RHEX: variants seen among roughly 807,000 people sequenced by gnomAD.
RHEX encodes regulator of hemoglobinization and erythroid cell expansion, also known as regulator of hemoglobinization and erythroid cell expansion protein.
A neutral mutation model predicts 20.1 loss-of-function variants in RHEX; 18 were observed. The ratio of observed to expected loss-of-function variants is 0.90; its 90% CI spans 0.62 to 1.33. The LOEUF (loss-of-function observed/expected upper bound fraction) is 1.33, where lower values mean the gene tolerates loss of function less well. Ranked by LOEUF, RHEX falls within the 40% of genes most tolerant of loss-of-function variation. The pLI, the probability that RHEX is intolerant of heterozygous loss-of-function variation, is 0.00. For missense variants in RHEX, 192 were observed against 214.3 expected (o/e 0.90, Z 0.65); for synonymous variants, 87 against 77.1 (o/e 1.13, Z -0.67).
chr1:206,064,140 G>C (rs1471250032), intron 1 of RHEX, among the ~76,000 whole-genome samples: 3 of 148,614 alleles, frequency 2.0e-5, no homozygotes, highest in Non-Finnish European at 4.5e-5. Flanking sequence ...GAGAAGTGAG[G>C]AGACCCTCCG....
chr1:206,057,284 G>T, intron 1 of RHEX, among the ~76,000 whole-genome samples: 1 of 152,370 alleles, frequency 6.6e-6, no homozygotes, highest in South Asian at 2.1e-4. Flanking sequence ...GGAAGCCCGA[G>T]AATTGGTTCC....
At chr1:206,073,291 T>C (rs938635644) in intron 1 of RHEX, among the ~76,000 whole-genome samples, 1 of 152,138 alleles carries the variant, frequency 6.6e-6, no homozygotes, top group African/African-American at 2.4e-5. Flanking sequence ...CACTAAAATC[T>C]ACATTGCCAG....
At chr1:206,078,762 G>A (rs1451225963) in intron 1 of RHEX, among the ~76,000 whole-genome samples, 2 of 152,076 alleles carry the variant, frequency 1.3e-5, no homozygotes, top group African/African-American at 4.8e-5. Context: ...CTGAAAGGAA[G>A]GGGAAGGGTG....
chr1:206,095,317 G>A (rs768112265), intron 1 of RHEX, among the ~76,000 whole-genome samples: 1 of 152,072 alleles, frequency 6.6e-6, no homozygotes, highest in Non-Finnish European at 1.5e-5. Flanking sequence ...CCTGTGGATC[G>A]CCTGGTTGGA....
chr1:206,059,208 A>G (rs28570494), intron 1 of RHEX, among the ~76,000 whole-genome samples: 87,400 of 151,858 alleles, frequency 0.58, 28,195 homozygotes, highest in African/African-American at 0.89. Context: ...CATGACTGGC[A>G]CCATGGGCAC....
chr1:206,074,031 C>T lies in RHEX; in HGVS notation c.-97+20766C>T, dbSNP rs568092599. On this transcript the variant is annotated intron_variant, in intron 1 of 5. Coordinates refer to ENST00000331555, the MANE Select transcript of RHEX (RefSeq NM_001007544.4). Reference sequence around the variant, plus strand: ...ATCACTCCTCACTGCCTCGTACCCGCTCCCCTCTATCTTGGCTGGCTCTCA... The same window carrying T: ...ATCACTCCTCACTGCCTCGTACCCGTTCCCCTCTATCTTGGCTGGCTCTCA... Among the ~76,000 whole-genome samples, 595 of 152,288 alleles carry T rather than the reference C, an allele frequency of 3.9e-3. 4 individuals are homozygous for T. The highest frequency in any genetic ancestry group is 0.014 in the African/African-American group (577 of 41,546).
At chr1:206,077,789 C>T (rs935628863) in intron 1 of RHEX, among the ~76,000 whole-genome samples, 3 of 152,154 alleles carry the variant, frequency 2.0e-5, no homozygotes, top group African/African-American at 7.2e-5. Flanking sequence ...AGAGATGCTA[C>T]GTAGTTGCTT....
chr1:206,100,334 A>G (rs1553288240), intron 4 of RHEX, among the ~76,000 whole-genome samples: 1 of 152,202 alleles, frequency 6.6e-6, no homozygotes, highest in Non-Finnish European at 1.5e-5. Flanking sequence ...CCAATAGGTC[A>G]CTATTCACAG....
At chr1:206,081,925 C>T (rs1662745685) in intron 1 of RHEX, among the ~76,000 whole-genome samples, 1 of 152,214 alleles carries the variant, frequency 6.6e-6, no homozygotes, top group African/African-American at 2.4e-5. Context: ...GAATTGATTA[C>T]TTAGTGTCCA....
chr1:206,079,843 G>A (rs1162936047), intron 1 of RHEX, among the ~76,000 whole-genome samples: 7 of 152,168 alleles, frequency 4.6e-5, no homozygotes, highest in South Asian at 4.1e-4. Flanking sequence ...CTGAGCCACC[G>A]TGCCCCACCA....
chr1:206,099,878 C>T, intron 4 of RHEX, 80 bp downstream of exon 4: 1 of 1,342,888 alleles, frequency 7.4e-7, no homozygotes, highest in Non-Finnish European at 1.1e-6. Flanking sequence ...CCTGCAGCAA[C>T]CCCATGGGCC....
At chr1:206,085,459 A>G (rs1010324645) in intron 1 of RHEX, among the ~76,000 whole-genome samples, 1 of 152,226 alleles carries the variant, frequency 6.6e-6, no homozygotes, top group African/African-American at 2.4e-5. Flanking sequence ...GGGAACTAGC[A>G]AAATGAATCC....
rs782073279 is a variant in RHEX, at chr1:206,101,167, T to C, written c.288T>C (p.Asp96=). The part of the protein sequence containing the change: ...HDSDTPSDSL[D]SSCSSPPACQ... ...GCGACACACCCTCAGATAGCTTGGA[T>C]AGCTCCTGCAGTTCGCCTCCTGCCT... Residue 96 remains aspartate, a synonymous_variant, in exon 5 of 6, where the codon GAT becomes GAC. Transcript: ENST00000331555. 4 of 1,613,136 alleles carry C rather than the reference T, an allele frequency of 2.5e-6. No individual in the cohort carries two copies. The highest frequency in any genetic ancestry group is 2.7e-5 in the African/African-American group (2 of 74,986).
intron 1 of RHEX, among the ~76,000 whole-genome samples, chr1:206,095,766 A>T (rs1398817842): frequency 3.9e-5 from 6 of 152,112 alleles, no homozygotes; most frequent in Non-Finnish European, 8.8e-5. Context: ...CAGTGAGCCG[A>T]GATCGTGTCA....
intron 1 of RHEX, among the ~76,000 whole-genome samples, chr1:206,077,671 G>A (rs971418936): frequency 2.6e-5 from 4 of 152,198 alleles, no homozygotes; most frequent in African/African-American, 7.2e-5. Flanking sequence ...ACACAAGGCA[G>A]GAAGATTGCT....
In RHEX at chr1:206,101,134, A is replaced by AGATGACAGCGACAC; in HGVS notation, c.257-1_269dup. ...AGAGGAACCGTTTCTATTTCTCCCC[A>AGATGACAGCGACAC]GATGACAGCGACACACCCTCAGATA... On this transcript the variant is annotated splice_acceptor_variant, in intron 4 of 5. Transcript: ENST00000331555. LOFTEE classifies it high-confidence loss of function. 1 of 1,611,804 alleles carries AGATGACAGCGACAC rather than the reference A, an allele frequency of 6.2e-7. No homozygotes were observed. Among genetic ancestry groups the AGATGACAGCGACAC allele is most frequent in the Middle Eastern group, 1.7e-4 (1 of 6,048 alleles).
chr1:206,075,394 A>T (rs1662619203), intron 1 of RHEX, among the ~76,000 whole-genome samples: 1 of 152,234 alleles, frequency 6.6e-6, no homozygotes, highest in African/African-American at 2.4e-5. Context: ...TGGTATGCTG[A>T]CCATGAAACA....
chr1:206,096,197 A>T (rs1258931197), intron 1 of RHEX, among the ~76,000 whole-genome samples: 3 of 152,204 alleles, frequency 2.0e-5, no homozygotes, highest in African/African-American at 7.2e-5. Context: ...ACAAATGTCT[A>T]CTAGTTGTGT....
chr1:206,083,260 TC>T (rs1553286121), intron 1 of RHEX, among the ~76,000 whole-genome samples: 1 of 152,228 alleles, frequency 6.6e-6, no homozygotes, highest in Admixed American at 6.5e-5. Context: ...TGGGACTTGA[TC>T]TTAGGCCTCT....
Sources: allele counts gnomAD v4.1 joint callset (sites outside exome capture counted in the v4.1 genomes callset), GRCh38; gene constraint gnomAD v4.1.1; transcripts MANE v1.5; gene names NCBI Gene and HGNC (gene_info 2026-07-23, HGNC 2026-07-21).